The following ENPP2 variants were observed in gnomAD, a reference collection of about 807,000 sequenced individuals.
ENPP2 encodes the protein autotaxin.
ENPP2 carries 51 observed loss-of-function variants against 120.2 expected under a neutral mutation model. The ratio of observed to expected loss-of-function variants is 0.42; its 90% CI spans 0.34 to 0.54. ENPP2 has a LOEUF of 0.54. ENPP2 is among the 20% of genes least tolerant of loss of function. The pLI is 0.04. For missense variants in ENPP2, 920 were observed against 1,066.5 expected, an observed-to-expected ratio of 0.86 and a Z score of 1.91; for synonymous variants, 365 against 366.4, an observed-to-expected ratio of 1.00 and a Z score of 0.04.
chr8:119,624,665 AT>A (rs1816148054), intron 3 of ENPP2, among the ~76,000 whole-genome samples: 1 of 152,210 alleles, frequency 6.6e-6, no homozygotes, highest in Non-Finnish European at 1.5e-5. Context: ...TCAATGGAAT[AT>A]TACATAGCCA....
intron 9 of ENPP2, among the ~76,000 whole-genome samples, chr8:119,604,131 T>A (rs10097368): frequency 2.0e-5 from 3 of 151,216 alleles, no homozygotes; most frequent in African/African-American, 2.4e-5. Context: ...CGGTTCAAGC[T>A]ATTCTCCTGC....
chr8:119,566,633 A>ACC (rs1237345171), intron 22 of ENPP2, among the ~76,000 whole-genome samples: 2 of 151,884 alleles, frequency 1.3e-5, no homozygotes, highest in Non-Finnish European at 2.9e-5. Flanking sequence ...TGAAAAAACC[A>ACC]CCCCCCTCGT....
chr8:119,588,973 G>C (rs549096764), intron 13 of ENPP2, among the ~76,000 whole-genome samples: 5 of 152,256 alleles, frequency 3.3e-5, no homozygotes, highest in Non-Finnish European at 5.9e-5. Flanking sequence ...CTCGAAGCTA[G>C]TTCCCTCACC....
intron 19 of ENPP2, among the ~76,000 whole-genome samples, chr8:119,576,471 A>C (rs1812350095): frequency 6.6e-6 from 1 of 152,096 alleles, no homozygotes; most frequent in African/African-American, 2.4e-5. Context: ...ATCCAAACTA[A>C]CTTCTCATTG....
chr8:119,669,226 C>T (rs1818169697), intron 1 of ENPP2, among the ~76,000 whole-genome samples: 1 of 152,164 alleles, frequency 6.6e-6, no homozygotes, highest in African/African-American at 2.4e-5. Flanking sequence ...TTAATAAATG[C>T]ATTCAACCAG....
intron 1 of ENPP2, among the ~76,000 whole-genome samples, chr8:119,658,729 C>T (rs900128333): frequency 6.6e-6 from 1 of 152,136 alleles, no homozygotes; most frequent in African/African-American, 2.4e-5. Flanking sequence ...CACCCCAGGC[C>T]ACAGGACTAT....
At position 119,651,335 on chromosome 8, in the gene ENPP2, C is replaced by A. The variant is rs139770832; in HGVS notation, c.22-12808G>T. On this transcript the variant is annotated intron_variant, in intron 1 of 25. Transcript: ENST00000427067. The stretch of plus-strand genomic sequence containing the variant: ...ATTCTTTTAAGTGGTAGCTAGTATT[C>A]GGTAATTGTTTGCACTTTGCCAGGC... Among the ~76,000 whole-genome samples the A allele has an allele frequency of 4.6e-4, 70 of 152,214 alleles. 2 individuals are homozygous for A. Among genetic ancestry groups the A allele is most frequent in the African/African-American group, 1.6e-3 (66 of 41,542 alleles).
At chr8:119,569,117 A>G (rs1377612198) in intron 21 of ENPP2, 118 bp downstream of exon 21, 9 of 944,724 alleles carry the variant, frequency 9.5e-6, no homozygotes, top group Middle Eastern at 2.3e-4. Flanking sequence ...AAATTCATTT[A>G]GATAATCTTC....
intron 11 of ENPP2, among the ~76,000 whole-genome samples, chr8:119,599,026 AT>A (rs1814099029): frequency 6.6e-6 from 1 of 152,212 alleles, no homozygotes; most frequent in African/African-American, 2.4e-5. Flanking sequence ...TTTTGTGAAC[AT>A]TTTGATAAAA....
intron 9 of ENPP2, among the ~76,000 whole-genome samples, chr8:119,603,454 A>C (rs1814460163): frequency 6.6e-6 from 1 of 152,136 alleles, no homozygotes. Flanking sequence ...GTAGACGGGG[A>C]ATTAAAAGTG....
At chr8:119,619,967 T>C (rs1486906288) in intron 4 of ENPP2, among the ~76,000 whole-genome samples, 1 of 152,202 alleles carries the variant, frequency 6.6e-6, no homozygotes, top group Non-Finnish European at 1.5e-5. Context: ...TAAATTATTT[T>C]AAGACAAACA....
At chr8:119,655,177 T>C (rs770890191) in intron 1 of ENPP2, among the ~76,000 whole-genome samples, 4 of 152,188 alleles carry the variant, frequency 2.6e-5, no homozygotes, top group African/African-American at 4.8e-5. Context: ...AAGCAAGAGA[T>C]GAAGCAATGG....
intron 1 of ENPP2, among the ~76,000 whole-genome samples, chr8:119,662,321 TTAAA>T (rs1049837899): frequency 1.6e-4 from 24 of 152,270 alleles, no homozygotes; most frequent in South Asian, 1.0e-3. Context: ...TATTTGTCAA[TTAAA>T]TAAATAAACA....
At chr8:119,597,223 T>A (rs182020881) in intron 11 of ENPP2, among the ~76,000 whole-genome samples, 1 of 152,280 alleles carries the variant, frequency 6.6e-6, no homozygotes, top group Admixed American at 6.5e-5. Flanking sequence ...TTAATGCTCC[T>A]AGTTTTAGGC....
chr8:119,652,658 A>C (rs950401142), intron 1 of ENPP2, among the ~76,000 whole-genome samples: 2 of 152,262 alleles, frequency 1.3e-5, no homozygotes, highest in South Asian at 2.1e-4. Flanking sequence ...CAGCTTCCTA[A>C]GCATCAAGAG....
intron 9 of ENPP2, among the ~76,000 whole-genome samples, chr8:119,604,984 A>G (rs980286905): frequency 1.3e-5 from 2 of 152,108 alleles, no homozygotes; most frequent in Admixed American, 6.6e-5. Context: ...CGTGTTAGCC[A>G]GGATGTTCTC....
intron 1 of ENPP2, among the ~76,000 whole-genome samples, chr8:119,673,078 G>A (rs1818299494): frequency 6.6e-6 from 1 of 152,180 alleles, no homozygotes; most frequent in African/African-American, 2.4e-5. Context: ...GTTGAGCTCC[G>A]CATTTGCGCG....
At chr8:119,633,891 AC>A (rs1294405469) in intron 2 of ENPP2, among the ~76,000 whole-genome samples, 1 of 151,372 alleles carries the variant, frequency 6.6e-6, no homozygotes, top group Non-Finnish European at 1.5e-5. Context: ...ATTTATAAAC[AC>A]AATGGTCTGA....
intron 18 of ENPP2, among the ~76,000 whole-genome samples, chr8:119,581,721 T>C (rs954017063): frequency 6.6e-6 from 1 of 151,958 alleles, no homozygotes; most frequent in African/African-American, 2.4e-5. Flanking sequence ...TCATTAAACA[T>C]GACTGAAACA....
Sources: gnomAD v4.1 joint callset for allele counts (sites outside exome capture counted in the v4.1 genomes callset) on GRCh38, gnomAD v4.1.1 for gene constraint, MANE v1.5 for transcripts, NCBI Gene and HGNC (gene_info 2026-07-23, HGNC 2026-07-21) for gene names.